Variants in KIT observed in about 807,000 individuals in gnomAD.
The protein encoded by KIT is mast/stem cell growth factor receptor Kit.
KIT carries 16 observed loss-of-function variants against 105.7 expected under a neutral mutation model. The ratio of observed to expected loss-of-function variants is 0.15; its 90% CI spans 0.10 to 0.23. The LOEUF (loss-of-function observed/expected upper bound fraction) is 0.23. Among genes scored for constraint, KIT ranks in the 10% least tolerant of loss-of-function variants. KIT has a pLI of 1.00. For synonymous variants in KIT, 438 were observed against 441.1 expected (o/e 0.99, Z 0.09); for missense variants, 858 against 1,213.8 (o/e 0.71, Z 4.36).
chr4:54,730,002 A>G (rs1036892336), intron 14 of KIT, among the ~76,000 whole-genome samples: 4 of 152,136 alleles, frequency 2.6e-5, no homozygotes, highest in African/African-American at 7.2e-5. Flanking sequence ...TTTTTATTTC[A>G]TCATGCTATT....
At chr4:54,733,890 A>G (rs1033422109) in intron 17 of KIT, among the ~76,000 whole-genome samples, 1 of 152,184 alleles carries the variant, frequency 6.6e-6, no homozygotes, top group Admixed American at 6.6e-5. Context: ...ATGGAAAACC[A>G]TATTGCCCTT....
In KIT at chr4:54,727,523, C is replaced by T. The variant is rs121913515; in HGVS notation, c.1755C>T (p.Pro585=). ...QLPYDHKWEF[P]RNRLSFGKTL... ...CTTATGATCACAAATGGGAGTTTCCCAGAAACAGGCTGAGTTTTGGTCAGT... is the reference window on the plus strand; with the variant it reads ...CTTATGATCACAAATGGGAGTTTCCTAGAAACAGGCTGAGTTTTGGTCAGT... Residue 585 remains proline (P), a synonymous_variant, in exon 11 of 21, where the codon CCC becomes CCT. Coordinates refer to ENST00000288135, the MANE Select transcript of KIT (RefSeq NM_000222.3). 6.2e-7 allele frequency: 1 copy of T among 1,614,036 alleles called. No individual in the cohort carries two copies. The highest frequency in any genetic ancestry group is 8.5e-7 in the Non-Finnish European group (1 of 1,179,980).
chr4:54,668,282 C>T (rs186490946), intron 1 of KIT, among the ~76,000 whole-genome samples: 146 of 152,134 alleles, frequency 9.6e-4, no homozygotes, highest in African/African-American at 3.1e-3. Context: ...AAGGAAGAGG[C>T]GTGTCTGATA....
At chr4:54,695,941 G>A in intron 2 of KIT, 160 bp downstream of exon 2, 1 of 799,414 alleles carries the variant, frequency 1.3e-6, no homozygotes, top group Non-Finnish European at 2.0e-6. Context: ...CCCATCTTTT[G>A]ATATGATACA....
rs768599276 is a variant in KIT, at chr4:54,695,741, C to T, written c.297C>T (p.Asn99=). ...ATNTGKYTCT[N]KHGLSNSIYV... Reference sequence around the variant, plus strand: ...ACACCGGCAAATACACGTGCACCAACAAACACGGCTTAAGCAATTCCATTT... The same window carrying T: ...ACACCGGCAAATACACGTGCACCAATAAACACGGCTTAAGCAATTCCATTT... Residue 99 remains asparagine (N), a synonymous_variant, in exon 2 of 21, where the codon AAC becomes AAT. Transcript: ENST00000288135. The T allele has an allele frequency of 7.9e-5, 127 of 1,614,124 alleles. No individual in the cohort carries two copies. The highest frequency in any genetic ancestry group is 1.0e-4 in the Non-Finnish European group (121 of 1,180,054).
chr4:54,696,775 G>A (rs559831031), intron 2 of KIT, among the ~76,000 whole-genome samples: 102 of 152,206 alleles, frequency 6.7e-4, no homozygotes, highest in Non-Finnish European at 1.1e-3. Context: ...GTGCCTCTCC[G>A]CTTTATCAGT....
At chr4:54,681,005 G>T (rs557312294) in intron 1 of KIT, among the ~76,000 whole-genome samples, 4 of 152,070 alleles carry the variant, frequency 2.6e-5, no homozygotes, top group South Asian at 4.2e-4. Context: ...CTAGGTCTTG[G>T]GGGGGTGAAG....
intron 1 of KIT, among the ~76,000 whole-genome samples, chr4:54,676,679 G>A (rs1718496111): frequency 6.6e-6 from 1 of 152,148 alleles, no homozygotes; most frequent in Non-Finnish European, 1.5e-5. Context: ...ACTGCCCAGT[G>A]CTCTTGGAAT....
At chr4:54,720,679 G>A (rs1390452327) in intron 7 of KIT, among the ~76,000 whole-genome samples, 6 of 152,164 alleles carry the variant, frequency 3.9e-5, no homozygotes, top group Admixed American at 2.0e-4. Context: ...CCTTTCCTCC[G>A]CCTATTAAGT....
At position 54,738,439 on chromosome 4, in the gene KIT, A is replaced by G. The variant is rs1379323416; in HGVS notation, c.2813A>G (p.Asn938Ser). 10 of 1,614,038 alleles carry G rather than the reference A, an allele frequency of 6.2e-6. No individual in the cohort carries two copies. The highest frequency in any genetic ancestry group is 1.7e-4 in the Middle Eastern group (1 of 6,060). Residue 938 changes from asparagine (N) to serine (S), a missense_variant, in exon 21 of 21, where the codon AAC becomes AGC. Asn to Ser is a conservative substitution (Grantham distance 46). This residue lies in a region of KIT where 105 missense variants were observed against 103.5 expected (regional missense o/e 1.01). Coordinates refer to ENST00000288135, the MANE Select transcript of KIT (RefSeq NM_000222.3). ...ISESTNHIYS[N>S]LANCSPNRQK... ...GCTTGTTTTCTCCAGATTTACTCCA[A>G]CTTAGCAAACTGCAGCCCCAACCGA... is the stretch of plus-strand genomic sequence containing the variant.
intron 7 of KIT, among the ~76,000 whole-genome samples, chr4:54,714,474 A>T (rs982835908): frequency 3.9e-5 from 6 of 152,170 alleles, no homozygotes; most frequent in African/African-American, 1.4e-4. Context: ...TTGAATAAAT[A>T]ACAAACTTTA....
intron 1 of KIT, among the ~76,000 whole-genome samples, chr4:54,670,516 T>A (rs1718032072): frequency 1.3e-5 from 2 of 152,122 alleles, no homozygotes; most frequent in Non-Finnish European, 2.9e-5. Context: ...TGCAAGGACC[T>A]GCTGTCAGGG....
intron 17 of KIT, 71 bp downstream of exon 17, chr4:54,733,263 C>A: frequency 6.5e-7 from 1 of 1,541,634 alleles, no homozygotes; most frequent in Non-Finnish European, 8.9e-7. Context: ...AAAATTGTTT[C>A]CTGTGATTTT....
At chr4:54,707,639 T>G (rs1261150322) in intron 6 of KIT, among the ~76,000 whole-genome samples, 2 of 152,228 alleles carry the variant, frequency 1.3e-5, no homozygotes, top group African/African-American at 2.4e-5. Flanking sequence ...TAATTGTTTC[T>G]TAAAGCTGTA....
At chr4:54,709,071 C>A (rs890889106) in intron 6 of KIT, among the ~76,000 whole-genome samples, 1 of 151,440 alleles carries the variant, frequency 6.6e-6, no homozygotes, top group African/African-American at 2.4e-5. Flanking sequence ...GGAGAGCAGG[C>A]TCCTGCAGCA....
chr4:54,732,097 T>C (rs999179184), intron 16 of KIT, 99 bp downstream of exon 16: 6 of 1,331,110 alleles, frequency 4.5e-6, no homozygotes, highest in Non-Finnish European at 6.2e-6. Context: ...AGAGCCATAG[T>C]TAAAATGCAG....
chr4:54,694,655 C>T (rs942428051), intron 1 of KIT, among the ~76,000 whole-genome samples: 2 of 152,334 alleles, frequency 1.3e-5, no homozygotes, highest in South Asian at 2.1e-4. Flanking sequence ...GCTGGGATTA[C>T]AGGCGTGAGC....
intron 4 of KIT, 49 bp from the exon 5 acceptor site, chr4:54,703,675 A>T (rs747157762): frequency 6.8e-7 from 1 of 1,477,410 alleles, no homozygotes; most frequent in Admixed American, 1.7e-5. Context: ...TCTGAATATA[A>T]ATTATATGGT....
intron 1 of KIT, among the ~76,000 whole-genome samples, chr4:54,680,990 A>G (rs1159838251): frequency 6.6e-6 from 1 of 151,920 alleles, no homozygotes; most frequent in Non-Finnish European, 1.5e-5. Context: ...TCCCTTTTGT[A>G]TGTCCTAGGT....
Sources: allele counts gnomAD v4.1 joint callset (sites outside exome capture counted in the v4.1 genomes callset), GRCh38; gene constraint gnomAD v4.1.1; regional missense constraint gnomAD v4.1.1; transcripts MANE v1.5; gene names NCBI Gene and HGNC (gene_info 2026-07-23, HGNC 2026-07-21).